The following HOMEZ variants were observed in gnomAD, a reference collection of about 807,000 sequenced individuals.
The protein encoded by HOMEZ is homeobox and leucine zipper protein Homez.
Under a neutral mutation model 50.1 loss-of-function variants are expected in HOMEZ, and 20 were observed. The ratio of observed to expected loss-of-function variants is 0.40; its 90% CI spans 0.28 to 0.58. HOMEZ has a LOEUF of 0.58. HOMEZ is among the 20% of genes least tolerant of loss of function. The probability of loss-of-function intolerance (pLI) is 0.46; values close to 1 mark genes in which losing one functional copy is unlikely to be tolerated. For missense variants in HOMEZ, 579 were observed against 680.5 expected (o/e 0.85, Z 1.66); for synonymous variants, 239 against 254.7 (o/e 0.94, Z 0.59).
chr14:23,281,802 T>TAATAA (rs1434424659), intron 1 of HOMEZ, among the ~76,000 whole-genome samples: 1 of 96,196 alleles, frequency 1.0e-5, no homozygotes, highest in African/African-American at 3.2e-5. Context: ...TCTCTACAAA[T>TAATAA]AATAATAATA....
At chr14:23,283,410 TTCTC>T (rs79798365) in intron 1 of HOMEZ, among the ~76,000 whole-genome samples, 41 of 150,782 alleles carry the variant, frequency 2.7e-4, no homozygotes, top group African/African-American at 9.5e-4. Flanking sequence ...GAAAAAAAAA[TTCTC>T]TCTCTCTCTC....
Position 23,272,795 on chromosome 14 carries a change from A to G in HOMEZ, c.*2780T>C. On this transcript the variant is annotated 3_prime_UTR_variant, in exon 2 of 2. Coordinates refer to ENST00000357460, the MANE Select transcript of HOMEZ (RefSeq NM_020834.3). The stretch of plus-strand genomic sequence containing the variant: ...GCCCTTTTTGCTGTTATAAACACCC[A>G]CATCTACCTTCTTGTCCTCTGCTGC... The G allele has an allele frequency of 1.3e-6, 2 of 1,491,724 alleles. No homozygotes were observed. Among genetic ancestry groups the G allele is most frequent in the Non-Finnish European group, 1.8e-6 (2 of 1,094,230 alleles). 92.4% of individuals were successfully genotyped at this position (1,491,724 alleles called of 1,614,324 possible). A position where few individuals can be genotyped will look rare whatever the true frequency, so the allele number is the denominator to read the frequency against.
rs141391198 is a variant in HOMEZ at position 23,276,952 on chromosome 14, A to G, written c.276T>C (p.Tyr92=). ...TCTTGACTTTCTCCATCTGCAACCCATAACGTAGGCAGAGAAGGGCAATGT... is the reference window on the plus strand; with the variant it reads ...TCTTGACTTTCTCCATCTGCAACCCGTAACGTAGGCAGAGAAGGGCAATGT... The part of the protein sequence containing the change: ...LADIALLCLR[Y]GLQMEKVKTW... Residue 92 remains tyrosine (Y), a synonymous_variant, in exon 2 of 2, where the codon TAT becomes TAC. Coordinates refer to ENST00000357460, the MANE Select transcript of HOMEZ (RefSeq NM_020834.3). This position sits in a 1 kb window ranked among gnomAD's most constrained non-coding sequence, Gnocchi z 4.1. 26 of 1,614,034 alleles carry G rather than the reference A, an allele frequency of 1.6e-5. No homozygotes were observed. The highest frequency in any genetic ancestry group is 2.2e-5 in the East Asian group (1 of 44,884).
chr14:23,276,208 T>C lies in HOMEZ; in HGVS notation c.1020A>G (p.Val340=). The C allele has an allele frequency of 1.2e-6, 2 of 1,614,006 alleles. No individual in the cohort carries two copies. The highest frequency in any genetic ancestry group is 1.7e-6 in the Non-Finnish European group (2 of 1,179,896). Reference sequence around the variant, plus strand: ...ACTCTGTGGGGCCAACTCTACCTGGTACTGAGTTATGCCGTAGCCCTTGGG... The same window carrying C: ...ACTCTGTGGGGCCAACTCTACCTGGCACTGAGTTATGCCGTAGCCCTTGGG... ...AWPQGLRHNS[V]PGRVGPTEYL... The change falls in exon 2 of 2, where the codon GTA becomes GTG. Residue 340 remains valine, a synonymous_variant. Coordinates refer to ENST00000357460, the MANE Select transcript of HOMEZ (RefSeq NM_020834.3). This position sits in a 1 kb window ranked among gnomAD's most constrained non-coding sequence, Gnocchi z 4.1.
In HOMEZ at chr14:23,286,087, G is replaced by A. The variant is rs1010933186; in HGVS notation, c.-135C>T. 1.1e-5 allele frequency: 13 copies of A among 1,230,270 alleles called. No homozygotes were observed. The Admixed American group carries it at 2.5e-4, about 24-fold the overall frequency. 76.2% of individuals were successfully genotyped at this position (1,230,270 alleles called of 1,614,324 possible). ...CCCCCCCCACCGTCCCCGGGAGCGC[G>A]CCGGTCTACCCAGCCCTGCTCGAGC... On this transcript the variant is annotated 5_prime_UTR_variant, in exon 1 of 2. Coordinates refer to ENST00000357460, the MANE Select transcript of HOMEZ (RefSeq NM_020834.3).
Position 23,276,167 on chromosome 14 carries a change from A to G in HOMEZ, c.1061T>C (p.Met354Thr), listed in dbSNP as rs149085380. The change falls in exon 2 of 2, where the codon ATG becomes ACG. Residue 354 changes from methionine (M) to threonine (T), a missense_variant. Met to Thr is a moderately conservative substitution (Grantham distance 81). Transcript: ENST00000357460. This position sits in a 1 kb window ranked among gnomAD's most constrained non-coding sequence, Gnocchi z 4.1. The part of the protein sequence containing the change: ...VGPTEYLSPD[M>T]QRQRKTKRKT... ...GCGCTTGGTCTTTCGCTGGCGTTGC[A>G]TATCTGGGGAAAGGTACTCTGTGGG... 8.1e-4 allele frequency: 1,300 copies of G among 1,613,930 alleles called. 2 individuals are homozygous for G. Among genetic ancestry groups the G allele is most frequent in the Non-Finnish European group, 1.0e-3 (1,177 of 1,179,854 alleles).
chr14:23,284,990 A>G (rs1886628529), intron 1 of HOMEZ: 1 of 152,232 alleles, frequency 6.6e-6, no homozygotes, highest in Non-Finnish European at 1.5e-5. Context: ...AAAAGTTCTC[A>G]GGGTACAGCC....
At position 23,285,849 on chromosome 14, in the gene HOMEZ, C is replaced by T. The variant is rs561354201; in HGVS notation, c.40+64G>A. The T allele has an allele frequency of 8.4e-6, 8 of 947,118 alleles. No homozygotes were observed. In the African/African-American group the frequency reaches 1.4e-4, roughly 16 times the overall value. 58.7% of individuals were successfully genotyped at this position (947,118 alleles called of 1,614,324 possible). A position where few individuals can be genotyped will look rare whatever the true frequency, so the allele number is the denominator to read the frequency against. ...TCCCCCCACCAGCGCGGGGATGGGG[C>T]TCCAGAGGTGGGAGACCGTACACGA... On this transcript the variant is annotated intron_variant, in intron 1 of 1. Coordinates refer to ENST00000357460, the MANE Select transcript of HOMEZ (RefSeq NM_020834.3).
At position 23,272,528 on chromosome 14, in the gene HOMEZ, G is replaced by T; in HGVS notation, c.*3047C>A. On this transcript the variant is annotated 3_prime_UTR_variant, in exon 2 of 2. Transcript: ENST00000357460. ...GAGGCCTAAGAACTCTGCCTCCCTGGTAGTCATCTCTGGGTGTGGTAGTCA... is the reference window on the plus strand; with the variant it reads ...GAGGCCTAAGAACTCTGCCTCCCTGTTAGTCATCTCTGGGTGTGGTAGTCA... The T allele has an allele frequency of 2.6e-6, 1 of 387,288 alleles. No individual in the cohort carries two copies. The highest frequency in any genetic ancestry group is 2.6e-5 in the South Asian group (1 of 38,904). The allele number at this position is 387,288 out of a possible 1,614,324, so 24.0% of individuals were successfully genotyped here. A position where few individuals can be genotyped will look rare whatever the true frequency, so the allele number is the denominator to read the frequency against.
intron 1 of HOMEZ, among the ~76,000 whole-genome samples, chr14:23,280,684 ATTTTATTTTTATTTTTATATTTTTATTT>A (rs1285760122): frequency 3.8e-5 from 5 of 130,182 alleles, no homozygotes; most frequent in Admixed American, 1.6e-4. Context: ...CATCTGTTAT[ATTTTATTTTTATTTTTATATTTTTATTT>A]TTATTTTATT....
Position 23,276,332 on chromosome 14 carries a change from G to C in HOMEZ, c.896C>G (p.Ala299Gly). The change falls in exon 2 of 2, where the codon GCT becomes GGT. Residue 299 changes from alanine (A) to glycine (G), a missense_variant. By Grantham distance (60) the Ala-to-Gly change is moderately conservative. Transcript: ENST00000357460. This position sits in a 1 kb window ranked among gnomAD's most constrained non-coding sequence, Gnocchi z 4.1. ...SSSFQVLANG[A>G]TAASKPLQPL... is the part of the protein sequence containing the mutation. ...CTGGAGGGGTTTAGAGGCGGCAGTA[G>C]CTCCATTAGCCAGTACCTGGAAAGA... The C allele has an allele frequency of 1.9e-6, 3 of 1,613,902 alleles. No homozygotes were observed. Among genetic ancestry groups the C allele is most frequent in the Non-Finnish European group, 2.5e-6 (3 of 1,179,850 alleles).
intron 1 of HOMEZ, among the ~76,000 whole-genome samples, chr14:23,278,583 C>G (rs964264653): frequency 1.3e-5 from 2 of 152,032 alleles, no homozygotes; most frequent in Non-Finnish European, 2.9e-5. Context: ...AGGCTGGTCT[C>G]AAACTCCTAG....
In HOMEZ at chr14:23,276,901, G is replaced by A. The variant is rs752007684; in HGVS notation, c.327C>T (p.Arg109=). 1 of 1,614,064 alleles carries A rather than the reference G, an allele frequency of 6.2e-7. No homozygotes were observed. Residue 109 remains arginine, a synonymous_variant, in exon 2 of 2, where the codon CGC becomes CGT. Transcript: ENST00000357460. This position sits in a 1 kb window ranked among gnomAD's most constrained non-coding sequence, Gnocchi z 4.1. ...VKTWFMAQRL[R]CGISWSSEEI... ...CTTCAGATGACCAGCTAATACCACA[G>A]CGGAGGCGCTGGGCCATAAACCAAG... is the stretch of plus-strand genomic sequence containing the variant.
intron 1 of HOMEZ, chr14:23,285,635 T>G: frequency 2.7e-6 from 1 of 367,560 alleles, no homozygotes; most frequent in Admixed American, 4.6e-5. Flanking sequence ...CAAAAAGTTA[T>G]TGCACTTGGG....
Position 23,274,544 on chromosome 14 carries a change from GACAA to G in HOMEZ, c.*1027_*1030del, listed in dbSNP as rs1391510570. On this transcript the variant is annotated 3_prime_UTR_variant, in exon 2 of 2. Coordinates refer to ENST00000357460, the MANE Select transcript of HOMEZ (RefSeq NM_020834.3). ...CTCGGTGGGGGAAGATTTTCCCTGA[GACAA>G]ACAATGAACAGAGTGAGGATTTTGG... 2 of 152,462 alleles carry G rather than the reference GACAA, an allele frequency of 1.3e-5. No individual in the cohort carries two copies. Among genetic ancestry groups the G allele is most frequent in the African/African-American group, 2.4e-5 (1 of 41,366 alleles). The allele number at this position is 152,462 out of a possible 1,614,324, so 9.4% of individuals were successfully genotyped here.
chr14:23,283,049 G>C (rs1886588904), intron 1 of HOMEZ, among the ~76,000 whole-genome samples: 2 of 152,182 alleles, frequency 1.3e-5, no homozygotes, highest in African/African-American at 4.8e-5. Flanking sequence ...AAAGACACTA[G>C]AGTATCTTGT....
At position 23,276,531 on chromosome 14, in the gene HOMEZ, C is replaced by T; in HGVS notation, c.697G>A (p.Ala233Thr). Residue 233 changes from alanine to threonine, a missense_variant, in exon 2 of 2, where the codon GCA becomes ACA. By Grantham distance (58) the Ala-to-Thr change is moderately conservative. Coordinates refer to ENST00000357460, the MANE Select transcript of HOMEZ (RefSeq NM_020834.3). This position sits in a 1 kb window ranked among gnomAD's most constrained non-coding sequence, Gnocchi z 4.1. Reference sequence around the variant, plus strand: ...TGTGACTGGTTGGGACCCCTGCCTGCCTGCTCCTTTGAGAGGCCACTGCTT... The same window carrying T: ...TGTGACTGGTTGGGACCCCTGCCTGTCTGCTCCTTTGAGAGGCCACTGCTT... ...LQSSGLSKEQ[A>T]GRGPNQSHGI... is the part of the protein sequence containing the mutation. 1 of 1,613,998 alleles carries T rather than the reference C, an allele frequency of 6.2e-7. No individual in the cohort carries two copies. Among genetic ancestry groups the T allele is most frequent in the Non-Finnish European group, 8.5e-7 (1 of 1,179,886 alleles).
intron 1 of HOMEZ, among the ~76,000 whole-genome samples, chr14:23,280,718 TTA>T (rs1491476314): frequency 3.1e-5 from 2 of 65,246 alleles, no homozygotes; most frequent in Non-Finnish European, 6.0e-5. Flanking sequence ...TATTTTTATT[TTA>T]TTTTATTTTA....
rs538392003 is a variant in HOMEZ at position 23,273,077 on chromosome 14, A to C, written c.*2498T>G. 7.3e-6 allele frequency: 3 copies of C among 408,388 alleles called. No individual in the cohort carries two copies. Among genetic ancestry groups the C allele is most frequent in the East Asian group, 7.5e-5 (2 of 26,500 alleles). The allele number at this position is 408,388 out of a possible 1,614,324, so 25.3% of individuals were successfully genotyped here. On this transcript the variant is annotated 3_prime_UTR_variant, in exon 2 of 2. Coordinates refer to ENST00000357460, the MANE Select transcript of HOMEZ (RefSeq NM_020834.3). ...CCTCCCAGGACAGTGGTCAGGTCTT[A>C]CAAAAGGCTAGTGCTTCAGGAAGAT...
Sources: gnomAD v4.1 joint callset for allele counts (sites outside exome capture counted in the v4.1 genomes callset) on GRCh38, gnomAD v4.1.1 for gene constraint, Gnocchi (gnomAD v3.1) non-coding constraint, MANE v1.5 for transcripts, NCBI Gene and HGNC (gene_info 2026-07-23, HGNC 2026-07-21) for gene names.